The following YEATS4 variants were observed in gnomAD, a reference collection of about 807,000 sequenced individuals.
YEATS4 encodes YEATS domain containing 4, also known as YEATS domain-containing protein 4.
YEATS4 carries 17 observed loss-of-function variants against 30.1 expected under a neutral mutation model. That is an observed-to-expected ratio of 0.56 (90% CI 0.39 to 0.85). The LOEUF (loss-of-function observed/expected upper bound fraction) is 0.85. YEATS4 is among the 40% of genes least tolerant of loss of function. The pLI, the probability that YEATS4 is intolerant of heterozygous loss-of-function variation, is 0.00. For missense variants in YEATS4, 142 were observed against 268.3 expected, an observed-to-expected ratio of 0.53 and a Z score of 3.29; for synonymous variants, 85 against 87.5, an observed-to-expected ratio of 0.97 and a Z score of 0.16.
At chr12:69,367,894 G>C (rs1301039560) in intron 4 of YEATS4, among the ~76,000 whole-genome samples, 1 of 152,092 alleles carries the variant, frequency 6.6e-6, no homozygotes, top group Admixed American at 6.6e-5. Context: ...TTGAGAATAT[G>C]CTGCCTTACC....
At chr12:69,415,915 C>G in the YEATS4 span, among the ~76,000 whole-genome samples, 1 of 152,252 alleles carries the variant, frequency 6.6e-6, no homozygotes, top group Admixed American at 6.5e-5. Context: ...AAGGTGGCAT[C>G]TCTCACTCTG....
At chr12:69,415,113 C>A in the YEATS4 span, among the ~76,000 whole-genome samples, 1 of 152,156 alleles carries the variant, frequency 6.6e-6, no homozygotes, top group African/African-American at 2.4e-5. Flanking sequence ...AGGAGCAGCA[C>A]TTTGACCTAG....
intron 6 of YEATS4, among the ~76,000 whole-genome samples, chr12:69,385,018 T>G (rs566459015): frequency 6.6e-6 from 1 of 152,128 alleles, no homozygotes; most frequent in Non-Finnish European, 1.5e-5. Flanking sequence ...AAAAGCATTT[T>G]TTTTTCCCCT....
At chr12:69,398,616 C>T in the YEATS4 span, among the ~76,000 whole-genome samples, 1 of 151,300 alleles carries the variant, frequency 6.6e-6, no homozygotes, top group African/African-American at 2.4e-5. Context: ...AGTTCAAGAC[C>T]AGCCTGGGCA....
chr12:69,389,536 CAG>C (rs1387106961), intron 6 of YEATS4, among the ~76,000 whole-genome samples: 1 of 109,998 alleles, frequency 9.1e-6, no homozygotes, highest in African/African-American at 3.6e-5. Context: ...CCCATTAAGA[CAG>C]AGTCTCACTC....
the YEATS4 span, among the ~76,000 whole-genome samples, chr12:69,415,046 C>T: frequency 6.6e-6 from 1 of 152,136 alleles, no homozygotes; most frequent in Admixed American, 6.6e-5. Flanking sequence ...AGAACGTACA[C>T]TAAGCAATTC....
chr12:69,360,067 T>C (rs554591), intron 1 of YEATS4, 44 bp downstream of exon 1: 785,917 of 1,599,584 alleles, frequency 0.49, 194,521 homozygotes, highest in Non-Finnish European at 0.51. Flanking sequence ...CTCTCCCGCC[T>C]CGGTTCCTCC....
chr12:69,395,993 C>T, the YEATS4 span, among the ~76,000 whole-genome samples: 687 of 152,178 alleles, frequency 4.5e-3, 3 homozygotes, highest in African/African-American at 0.016. Context: ...AAATTTTAAC[C>T]AATTGACCAC....
the YEATS4 span, among the ~76,000 whole-genome samples, chr12:69,407,599 G>A: frequency 6.6e-5 from 10 of 151,220 alleles, no homozygotes; most frequent in African/African-American, 9.7e-5. Flanking sequence ...AGAAAACTCC[G>A]TGCAGGATAT....
the YEATS4 span, among the ~76,000 whole-genome samples, chr12:69,398,710 G>A: frequency 6.6e-6 from 1 of 151,892 alleles, no homozygotes; most frequent in Non-Finnish European, 1.5e-5. Flanking sequence ...AGCTACTTGG[G>A]AGGCTGAGGT....
chr12:69,386,278 A>G (rs1402387728), intron 6 of YEATS4, among the ~76,000 whole-genome samples: 3 of 152,184 alleles, frequency 2.0e-5, no homozygotes, highest in Admixed American at 6.5e-5. Flanking sequence ...CAACAAATCT[A>G]TGTTATATCT....
rs904180018 is a variant in YEATS4, at chr12:69,380,446, CCAAA to C, written c.514+9477_514+9480del. On this transcript the variant is annotated intron_variant, in intron 6 of 6. Coordinates refer to ENST00000247843, the MANE Select transcript of YEATS4 (RefSeq NM_006530.4). ...TCTTGTTCTCGTCCCTTACTTTCTC[CCAAA>C]CAAACGGAGTTTCTGTTTCTGTGCT... is the stretch of plus-strand genomic sequence containing the variant. 6.6e-5 allele frequency among the ~76,000 whole-genome samples: 10 copies of C among 152,270 alleles called. No individual in the cohort carries two copies. The South Asian group carries it at 1.2e-3, about 19-fold the overall frequency.
the YEATS4 span, among the ~76,000 whole-genome samples, chr12:69,420,332 G>A: frequency 6.6e-6 from 1 of 152,004 alleles, no homozygotes; most frequent in Non-Finnish European, 1.5e-5. Flanking sequence ...GTCAAAGGAA[G>A]GGGATGTGCA....
intron 6 of YEATS4, among the ~76,000 whole-genome samples, chr12:69,375,425 G>A (rs1047132279): frequency 6.0e-5 from 9 of 150,518 alleles, no homozygotes; most frequent in East Asian, 2.0e-4. Context: ...CAGACTGGGC[G>A]GCTGGGCAGA....
chr12:69,386,094 T>G (rs1400938454), intron 6 of YEATS4, among the ~76,000 whole-genome samples: 1 of 152,186 alleles, frequency 6.6e-6, no homozygotes, highest in Non-Finnish European at 1.5e-5. Flanking sequence ...GAAACTTTTC[T>G]TTTTTTGTAT....
downstream of YEATS4, among the ~76,000 whole-genome samples, chr12:69,394,848 C>G (rs953834198): frequency 2.0e-5 from 3 of 152,156 alleles, no homozygotes. Context: ...TCCCAAAATG[C>G]TGCGATTACA....
the YEATS4 span, among the ~76,000 whole-genome samples, chr12:69,406,387 G>A: frequency 1.5e-4 from 23 of 152,238 alleles, 3 homozygotes; most frequent in South Asian, 4.8e-3. Context: ...GAGTACAGTG[G>A]CACAAAAGTG....
the YEATS4 span, among the ~76,000 whole-genome samples, chr12:69,418,668 C>A: frequency 3.3e-5 from 5 of 152,050 alleles, no homozygotes; most frequent in Non-Finnish European, 7.4e-5. Context: ...AGAATCTATC[C>A]CTGTGTGATA....
chr12:69,376,297 C>T (rs1050683104), intron 6 of YEATS4, among the ~76,000 whole-genome samples: 20 of 151,942 alleles, frequency 1.3e-4, no homozygotes, highest in Non-Finnish European at 2.9e-4. Context: ...ACCTGGGAGG[C>T]GGAGGTTGCA....
Sources: allele counts gnomAD v4.1 joint callset (sites outside exome capture counted in the v4.1 genomes callset), GRCh38; gene constraint gnomAD v4.1.1; transcripts MANE v1.5; gene names NCBI Gene and HGNC (gene_info 2026-07-23, HGNC 2026-07-21).